COBL: variants seen among roughly 807,000 people sequenced by gnomAD.
COBL encodes the protein cordon-bleu WH2 repeat protein, also known as protein cordon-bleu.
COBL carries 51 observed loss-of-function variants against 98.8 expected under a neutral mutation model. The ratio of observed to expected loss-of-function variants is 0.52; its 90% CI spans 0.41 to 0.65. The LOEUF (loss-of-function observed/expected upper bound fraction) is 0.65, where lower values mean the gene tolerates loss of function less well. Ranked by LOEUF, COBL falls within the 30% of genes least tolerant of loss-of-function variation. COBL has a pLI of 0.00. For missense variants in COBL, 1,617 were observed against 1,617.5 expected (o/e 1.00, Z 0.01); for synonymous variants, 634 against 651.7 (o/e 0.97, Z 0.41).
At chr7:51,202,382 T>C (rs1256785241) in intron 2 of COBL, among the ~76,000 whole-genome samples, 1 of 152,202 alleles carries the variant, frequency 6.6e-6, no homozygotes, top group Non-Finnish European at 1.5e-5. Flanking sequence ...ATGGTTACAA[T>C]TGTTATATTT....
chr7:51,037,730 C>T (rs1588289987), intron 8 of COBL, among the ~76,000 whole-genome samples: 1 of 152,216 alleles, frequency 6.6e-6, no homozygotes, highest in East Asian at 1.9e-4. Flanking sequence ...CTGATGTTCC[C>T]TTTACAAGGT....
intron 6 of COBL, among the ~76,000 whole-genome samples, chr7:51,118,627 G>A (rs373204345): frequency 6.6e-6 from 1 of 151,838 alleles, no homozygotes; most frequent in African/African-American, 2.4e-5. Flanking sequence ...CACTGGGGGG[G>A]AGAGGGGGAG....
chr7:51,291,484 G>C (rs1306830238), intron 1 of COBL, among the ~76,000 whole-genome samples: 1 of 152,190 alleles, frequency 6.6e-6, no homozygotes, highest in Non-Finnish European at 1.5e-5. Context: ...TATCAAGCCA[G>C]GCATGGTGGC....
chr7:51,289,465 T>C (rs1800688618), intron 1 of COBL, among the ~76,000 whole-genome samples: 1 of 152,194 alleles, frequency 6.6e-6, no homozygotes, highest in Non-Finnish European at 1.5e-5. Context: ...GCTTATGATC[T>C]TCCATGGCTC....
chr7:51,159,100 G>A (rs1313121923), intron 5 of COBL, among the ~76,000 whole-genome samples: 3 of 152,188 alleles, frequency 2.0e-5, no homozygotes, highest in Non-Finnish European at 4.4e-5. Context: ...AGGGCAGCGG[G>A]GGCGGCGTTG....
At chr7:51,300,045 T>C (rs959259770) in intron 1 of COBL, among the ~76,000 whole-genome samples, 7 of 152,320 alleles carry the variant, frequency 4.6e-5, no homozygotes, top group Middle Eastern at 3.4e-3. Context: ...CTGATCCCCA[T>C]GACCCAGTCT....
intron 7 of COBL, among the ~76,000 whole-genome samples, chr7:51,056,887 G>A (rs1790807346): frequency 6.6e-6 from 1 of 150,618 alleles, no homozygotes; most frequent in Non-Finnish European, 1.5e-5. Context: ...CTTGTTGGAG[G>A]TTTTGCTTTC....
At chr7:51,279,465 AAT>A (rs1256045177) in intron 1 of COBL, among the ~76,000 whole-genome samples, 2 of 152,190 alleles carry the variant, frequency 1.3e-5, no homozygotes, top group Non-Finnish European at 2.9e-5. Context: ...ATTTTTCTAA[AAT>A]AGACTTTTTT....
rs560997143 is a variant in COBL, at chr7:51,158,209, C to G, written c.784-21878G>C. Among the ~76,000 whole-genome samples, 16 of 152,254 alleles carry G rather than the reference C, an allele frequency of 1.1e-4. 1 individual carries two copies. The highest frequency in any genetic ancestry group is 3.8e-4 in the African/African-American group (16 of 41,568). On this transcript the variant is annotated intron_variant, in intron 5 of 12. Coordinates refer to ENST00000265136, the MANE Select transcript of COBL (RefSeq NM_015198.5). ...TTTATTTATTATTCTTTTTATTTTA[C>G]TATTTCTATGTATTTTCTATTTGTT...
chr7:51,092,307 A>G (rs1238054216), intron 6 of COBL, among the ~76,000 whole-genome samples: 1 of 152,250 alleles, frequency 6.6e-6, no homozygotes, highest in Admixed American at 6.5e-5. Flanking sequence ...TCATCTGGCA[A>G]AACTATATTT....
chr7:51,233,311 G>A (rs940395513), intron 1 of COBL, among the ~76,000 whole-genome samples: 1 of 152,114 alleles, frequency 6.6e-6, no homozygotes, highest in Non-Finnish European at 1.5e-5. Context: ...AGCCAGCAAG[G>A]GGCAAGAAAA....
intron 1 of COBL, among the ~76,000 whole-genome samples, chr7:51,245,728 C>A (rs1796227559): frequency 6.6e-6 from 1 of 152,064 alleles, no homozygotes; most frequent in Non-Finnish European, 1.5e-5. Flanking sequence ...TCTAGAGGGG[C>A]AATAAGATAG....
At chr7:51,073,718 A>C (rs1792788877) in intron 7 of COBL, among the ~76,000 whole-genome samples, 1 of 152,118 alleles carries the variant, frequency 6.6e-6, no homozygotes, top group African/African-American at 2.4e-5. Context: ...CGAGACACGA[A>C]GCAGCTGGTA....
chr7:51,104,127 A>T (rs1459757553), intron 6 of COBL, among the ~76,000 whole-genome samples: 1 of 152,280 alleles, frequency 6.6e-6, no homozygotes, highest in Admixed American at 6.5e-5. Context: ...AGATTTGTAC[A>T]TAACAGGATA....
At chr7:51,161,149 A>AT (rs1276258288) in intron 5 of COBL, among the ~76,000 whole-genome samples, 2 of 152,168 alleles carry the variant, frequency 1.3e-5, no homozygotes, top group African/African-American at 4.8e-5. Flanking sequence ...AACAGAACAG[A>AT]TTTGAGCTTT....
At chr7:51,161,317 G>GT (rs1396606974) in intron 5 of COBL, among the ~76,000 whole-genome samples, 2 of 152,230 alleles carry the variant, frequency 1.3e-5, no homozygotes, top group Non-Finnish European at 2.9e-5. Context: ...CAGGCTCTCT[G>GT]TAAGCATAGG....
At chr7:51,206,220 G>A (rs867836683) in intron 2 of COBL, among the ~76,000 whole-genome samples, 1 of 152,122 alleles carries the variant, frequency 6.6e-6, no homozygotes, top group Non-Finnish European at 1.5e-5. Flanking sequence ...GGCCAGGCAC[G>A]GTGGTTCACA....
intron 7 of COBL, chr7:51,071,021 A>G (rs1332170910): frequency 6.6e-6 from 1 of 152,222 alleles, no homozygotes; most frequent in Non-Finnish European, 1.5e-5. Flanking sequence ...TAAGCCAACT[A>G]TAGTTGAAAA....
intron 5 of COBL, among the ~76,000 whole-genome samples, chr7:51,162,908 G>A (rs1786962673): frequency 6.6e-6 from 1 of 152,228 alleles, no homozygotes; most frequent in African/African-American, 2.4e-5. Context: ...GAAACAGCCA[G>A]CAGGGGGAGC....
Sources: gnomAD v4.1 joint callset for allele counts (sites outside exome capture counted in the v4.1 genomes callset) on GRCh38, gnomAD v4.1.1 for gene constraint, MANE v1.5 for transcripts, NCBI Gene and HGNC (gene_info 2026-07-23, HGNC 2026-07-21) for gene names.